FIRRM: variants seen among roughly 807,000 people sequenced by gnomAD.
FIRRM encodes FIGNL1-interacting regulator of recombination and mitosis.
At chr1:169,848,584 C>T in the FIRRM span, among the ~76,000 whole-genome samples, 1 of 152,162 alleles carries the variant, frequency 6.6e-6, no homozygotes, top group East Asian at 1.9e-4. Context: ...CATAAGTTAA[C>T]AGTATCCCAT....
the FIRRM span, among the ~76,000 whole-genome samples, chr1:169,832,044 C>T: frequency 6.6e-6 from 1 of 152,178 alleles, no homozygotes; most frequent in African/African-American, 2.4e-5. Flanking sequence ...CAGTTGTGAA[C>T]CACCACACTC....
the FIRRM span, among the ~76,000 whole-genome samples, chr1:169,824,920 A>C: frequency 2.0e-5 from 3 of 152,250 alleles, no homozygotes; most frequent in Non-Finnish European, 2.9e-5. Context: ...CATCTATACT[A>C]AATTGTCCCA....
At chr1:169,805,990 ATCTT>A in the FIRRM span, 2 of 1,548,828 alleles carry the variant, frequency 1.3e-6, no homozygotes, top group Non-Finnish European at 1.8e-6. Flanking sequence ...AAGTTCTGTT[ATCTT>A]TCTTTGCAGT....
At chr1:169,784,040 TC>T in the FIRRM span, 4 of 153,064 alleles carry the variant, frequency 2.6e-5, no homozygotes, top group Non-Finnish European at 5.9e-5. Context: ...CCCTCCAAGG[TC>T]CCCCAAAATG....
the FIRRM span, chr1:169,852,078 T>C: frequency 1.7e-6 from 2 of 1,164,224 alleles, no homozygotes; most frequent in African/African-American, 3.1e-5. Context: ...AATTCTGTTT[T>C]ATGGTAGTTG....
chr1:169,791,108 T>C, the FIRRM span, among the ~76,000 whole-genome samples: 3 of 152,164 alleles, frequency 2.0e-5, no homozygotes, highest in African/African-American at 7.2e-5. Context: ...TAATACTCAT[T>C]TGCCTACCGC....
chr1:169,798,697 T>C, the FIRRM span, among the ~76,000 whole-genome samples: 4 of 152,372 alleles, frequency 2.6e-5, no homozygotes, highest in East Asian at 5.8e-4. Flanking sequence ...AGTTTGTCCC[T>C]GGGCAATTTT....
the FIRRM span, chr1:169,854,000 G>A: frequency 1.7e-6 from 1 of 604,142 alleles, no homozygotes; most frequent in Admixed American, 3.2e-5. Context: ...GTAAAAATCA[G>A]TGTGGATGAC....
chr1:169,811,377 TAAAG>T, the FIRRM span, among the ~76,000 whole-genome samples: 1 of 152,152 alleles, frequency 6.6e-6, no homozygotes, highest in African/African-American at 2.4e-5. Flanking sequence ...ATTGTTTTAT[TAAAG>T]AAAGAATGTG....
At chr1:169,796,371 CTTCA>C in the FIRRM span, among the ~76,000 whole-genome samples, 1 of 152,348 alleles carries the variant, frequency 6.6e-6, no homozygotes, top group Non-Finnish European at 1.5e-5. Context: ...TATAGAGAGA[CTTCA>C]TTAAGTTGAA....
chr1:169,806,158 ATTCT>A, the FIRRM span: 1 of 843,150 alleles, frequency 1.2e-6, no homozygotes, highest in Non-Finnish European at 1.9e-6. Context: ...ATTATTCATG[ATTCT>A]TTAGATTGCA....
At chr1:169,823,290 A>T in the FIRRM span, 1 of 538,172 alleles carries the variant, frequency 1.9e-6, no homozygotes, top group Non-Finnish European at 3.2e-6. Flanking sequence ...AAAACAAATA[A>T]TTTTTTTAAA....
the FIRRM span, chr1:169,853,527 C>A: frequency 1.6e-6 from 1 of 614,166 alleles, no homozygotes; most frequent in East Asian, 2.8e-5. Context: ...GCCTCACCAC[C>A]CAGGGCTTTT....
the FIRRM span, among the ~76,000 whole-genome samples, chr1:169,848,592 C>T: frequency 6.6e-6 from 1 of 152,124 alleles, no homozygotes; most frequent in African/African-American, 2.4e-5. Context: ...AACAGTATCC[C>T]ATCTGTCTCC....
At chr1:169,821,921 A>T in the FIRRM span, among the ~76,000 whole-genome samples, 4 of 152,228 alleles carry the variant, frequency 2.6e-5, no homozygotes, top group Admixed American at 2.6e-4. Context: ...TACAGGTGTG[A>T]TTTCTTTATC....
the FIRRM span, among the ~76,000 whole-genome samples, chr1:169,797,552 T>G: frequency 4.1e-4 from 63 of 152,278 alleles, no homozygotes; most frequent in Middle Eastern, 3.4e-3. Context: ...ATGGGTTTTT[T>G]TTTGTTTGTT....
At chr1:169,795,250 G>T in the FIRRM span, 1 of 1,526,192 alleles carries the variant, frequency 6.6e-7, no homozygotes, top group Non-Finnish European at 8.8e-7. Context: ...CCTAGAGAAG[G>T]GTGTGGGCGG....
chr1:169,786,695 G>A, the FIRRM span, among the ~76,000 whole-genome samples: 2 of 152,224 alleles, frequency 1.3e-5, no homozygotes, highest in Non-Finnish European at 2.9e-5. Flanking sequence ...AGAATTTTGA[G>A]CTCTAGGACA....
the FIRRM span, among the ~76,000 whole-genome samples, chr1:169,849,039 T>C: frequency 6.6e-6 from 1 of 152,182 alleles, no homozygotes; most frequent in Non-Finnish European, 1.5e-5. Context: ...CAATAAACAA[T>C]AACAACATGA....
Sources: allele counts gnomAD v4.1 joint callset (sites outside exome capture counted in the v4.1 genomes callset), GRCh38; gene constraint gnomAD v4.1.1; transcripts MANE v1.5; gene names NCBI Gene and HGNC (gene_info 2026-07-23, HGNC 2026-07-21).